Variants in SORCS2 observed in about 807,000 individuals in gnomAD.
The protein encoded by SORCS2 is VPS10 domain-containing receptor SorCS2.
In SORCS2, 100 loss-of-function variants were observed where a neutral mutation model predicts 141.6. The ratio of observed to expected loss-of-function variants is 0.71; its 90% confidence interval spans 0.60 to 0.83. SORCS2 has a LOEUF of 0.83. SORCS2 is among the 40% of genes least tolerant of loss of function. The pLI, the probability that SORCS2 is intolerant of heterozygous loss-of-function variation, is 0.00. For synonymous variants in SORCS2, 789 were observed against 676.9 expected (o/e 1.17, Z -2.57); for missense variants, 1,646 against 1,560.2 (o/e 1.05, Z -0.93).
intron 1 of SORCS2, among the ~76,000 whole-genome samples, chr4:7,371,724 C>A (rs759119023): frequency 6.6e-6 from 1 of 152,162 alleles, no homozygotes; most frequent in Non-Finnish European, 1.5e-5. Flanking sequence ...ACACTGACCC[C>A]GGGAGCCACG....
chr4:7,700,376 G>T lies in SORCS2; in HGVS notation c.1669-2904G>T, dbSNP rs143557409. 3.9e-3 allele frequency among the ~76,000 whole-genome samples: 596 copies of T among 152,274 alleles called. 4 individuals are homozygous for T. Among genetic ancestry groups the T allele is most frequent in the African/African-American group, 0.013 (558 of 41,546 alleles). ...TGGGCAAGTCACTGTCACTGTGCAG[G>T]GATGATCTGCCTCCTTGGGGGTCTC... On this transcript the variant is annotated intron_variant, in intron 12 of 26. Transcript: ENST00000507866.
At chr4:7,380,020 C>G (rs890371283) in intron 1 of SORCS2, among the ~76,000 whole-genome samples, 1 of 152,210 alleles carries the variant, frequency 6.6e-6, no homozygotes, top group East Asian at 1.9e-4. Flanking sequence ...TGGCTGAGGA[C>G]AGGCTTGGAA....
chr4:7,548,433 G>A (rs1197876742), intron 3 of SORCS2, among the ~76,000 whole-genome samples: 1 of 152,160 alleles, frequency 6.6e-6, no homozygotes, highest in East Asian at 1.9e-4. Flanking sequence ...ACTAATGAGA[G>A]CCGCCATGTA....
At chr4:7,507,802 G>T (rs901896507) in intron 2 of SORCS2, among the ~76,000 whole-genome samples, 2 of 152,118 alleles carry the variant, frequency 1.3e-5, no homozygotes, top group African/African-American at 4.8e-5. Flanking sequence ...GCTGGAACAC[G>T]GGGTTGGGTC....
At chr4:7,377,045 G>A (rs1299038892) in intron 1 of SORCS2, among the ~76,000 whole-genome samples, 1 of 152,228 alleles carries the variant, frequency 6.6e-6, no homozygotes, top group Non-Finnish European at 1.5e-5. Context: ...ATGGAGGAAA[G>A]AGGCATATAA....
intron 26 of SORCS2, 121 bp from the exon 27 acceptor site, chr4:7,740,079 C>A: frequency 2.6e-6 from 2 of 775,268 alleles, no homozygotes; most frequent in Non-Finnish European, 4.3e-6. Flanking sequence ...CTGAAGGAAG[C>A]CAGGGAGGCC....
chr4:7,701,670 G>A (rs374253503), intron 12 of SORCS2, among the ~76,000 whole-genome samples: 8 of 152,164 alleles, frequency 5.3e-5, no homozygotes, highest in African/African-American at 1.4e-4. Context: ...GTGGCCTGCC[G>A]GCCCCCACCC....
At chr4:7,231,010 C>G (rs888401346) in intron 1 of SORCS2, among the ~76,000 whole-genome samples, 1 of 152,170 alleles carries the variant, frequency 6.6e-6, no homozygotes, top group Non-Finnish European at 1.5e-5. Flanking sequence ...ATATCCATAT[C>G]CATATCCATA....
intron 1 of SORCS2, among the ~76,000 whole-genome samples, chr4:7,287,039 T>C (rs1175658423): frequency 2.0e-5 from 3 of 152,228 alleles, no homozygotes; most frequent in South Asian, 2.1e-4. Context: ...TTCTCTCTTC[T>C]GGGTTTCCAG....
chr4:7,369,712 C>T (rs529844747), intron 1 of SORCS2, among the ~76,000 whole-genome samples: 118 of 152,312 alleles, frequency 7.7e-4, no homozygotes, highest in African/African-American at 2.7e-3. Flanking sequence ...GCCAGCCCCT[C>T]GCACATGCCT....
chr4:7,591,967 C>A (rs1366364002), intron 3 of SORCS2, among the ~76,000 whole-genome samples: 1 of 152,096 alleles, frequency 6.6e-6, no homozygotes, highest in African/African-American at 2.4e-5. Flanking sequence ...AGCCGACCAA[C>A]AGAAAATCCC....
At chr4:7,421,108 C>G (rs538175150) in intron 2 of SORCS2, among the ~76,000 whole-genome samples, 1 of 152,180 alleles carries the variant, frequency 6.6e-6, no homozygotes, top group Non-Finnish European at 1.5e-5. Context: ...CCATCCCTTG[C>G]CCACACAGTG....
intron 1 of SORCS2, among the ~76,000 whole-genome samples, chr4:7,278,330 G>A (rs76071758): frequency 0.044 from 6,670 of 152,282 alleles, 364 homozygotes; most frequent in East Asian, 0.24. Flanking sequence ...AGTTCACTGA[G>A]CGTGACGGGG....
intron 1 of SORCS2, among the ~76,000 whole-genome samples, chr4:7,361,935 CCTA>C (rs1721609606): frequency 6.6e-6 from 1 of 151,938 alleles, no homozygotes; most frequent in Non-Finnish European, 1.5e-5. Flanking sequence ...GTGGGGTAGT[CCTA>C]CCCCAGGAGG....
rs752379871 is a variant in SORCS2, at chr4:7,663,237, AAGTG to A, written c.953-1106_953-1103del. Among the ~76,000 whole-genome samples the A allele has an allele frequency of 6.9e-4, 104 of 151,252 alleles. No homozygotes were observed. The highest frequency in any genetic ancestry group is 2.0e-3 in the African/African-American group (83 of 41,044). ...GTGAATGAGTGAGTGAAGAGTGAATAAGTGAGTGAGTGAAGAGTGAATAAGTGAG... is the reference window on the plus strand; with the variant it reads ...GTGAATGAGTGAGTGAAGAGTGAATAAGTGAGTGAAGAGTGAATAAGTGAG... On this transcript the variant is annotated intron_variant, in intron 6 of 26. Coordinates refer to ENST00000507866, the MANE Select transcript of SORCS2 (RefSeq NM_020777.3). This position sits in a 1 kb window ranked among gnomAD's most constrained non-coding sequence, Gnocchi z 4.8.
intron 2 of SORCS2, among the ~76,000 whole-genome samples, chr4:7,530,061 T>G (rs572340741): frequency 1.3e-5 from 2 of 152,214 alleles, no homozygotes; most frequent in Non-Finnish European, 2.9e-5. Context: ...GTGGCCAGCA[T>G]GCCCAGAGAT....
chr4:7,296,029 C>T (rs1175183987), intron 1 of SORCS2, among the ~76,000 whole-genome samples: 2 of 152,184 alleles, frequency 1.3e-5, no homozygotes, highest in East Asian at 3.9e-4. Flanking sequence ...GCGTGTGTGG[C>T]TGGGGGTCCG....
chr4:7,378,733 A>C (rs1302191912), intron 1 of SORCS2, among the ~76,000 whole-genome samples: 1 of 152,124 alleles, frequency 6.6e-6, no homozygotes, highest in African/African-American at 2.4e-5. Flanking sequence ...CAGGCTTTGC[A>C]TGTGTCATCC....
At chr4:7,308,381 G>A (rs1717970421) in intron 1 of SORCS2, among the ~76,000 whole-genome samples, 1 of 152,122 alleles carries the variant, frequency 6.6e-6, no homozygotes, top group Non-Finnish European at 1.5e-5. Flanking sequence ...TTTCCAGGGG[G>A]CAGCTGGGGA....
Sources: allele counts gnomAD v4.1 joint callset (sites outside exome capture counted in the v4.1 genomes callset), GRCh38; gene constraint gnomAD v4.1.1; non-coding constraint Gnocchi (gnomAD v3.1); transcripts MANE v1.5; gene names NCBI Gene and HGNC (gene_info 2026-07-23, HGNC 2026-07-21).